CASK: variants seen among roughly 807,000 people sequenced by gnomAD.
CASK encodes calcium/calmodulin dependent serine protein kinase, also known as peripheral plasma membrane protein CASK.
CASK carries 4 observed loss-of-function variants against 82.9 expected under a neutral mutation model. That is an observed-to-expected ratio of 0.05 (90% CI 0.02 to 0.11). The LOEUF (loss-of-function observed/expected upper bound fraction) is 0.11. CASK is among the 10% of genes least tolerant of loss of function. CASK has a pLI of 1.00. For missense variants in CASK, 358 were observed against 720.9 expected, an observed-to-expected ratio of 0.50 and a Z score of 5.76; for synonymous variants, 259 against 253.5, an observed-to-expected ratio of 1.02 and a Z score of -0.20.
In CASK at chrX:41,636,590, C is replaced by T; in HGVS notation, c.903G>A (p.Arg301=). ...TVEQLRKFNA[R]RKLKGAVLAA... ...TTGTTTAATTTACCTTTAGTTTCCTCCTTGCATTGAATTTCCTCAGCTGCT... is the reference window on the plus strand; with the variant it reads ...TTGTTTAATTTACCTTTAGTTTCCTTCTTGCATTGAATTTCCTCAGCTGCT... Residue 301 remains arginine (R), a synonymous_variant, in exon 9 of 27, where the codon AGG becomes AGA. Transcript: ENST00000378163. The T allele has an allele frequency of 1.7e-6, 2 of 1,172,905 alleles. No individual in the cohort carries two copies. Among genetic ancestry groups the T allele is most frequent in the South Asian group, 1.8e-5 (1 of 56,105 alleles).
intron 8 of CASK, among the ~76,000 whole-genome samples, chrX:41,647,808 C>G (rs939378777): frequency 8.9e-6 from 1 of 112,207 alleles, no homozygotes; most frequent in Non-Finnish European, 1.9e-5. Flanking sequence ...ACACTTATCA[C>G]TTCCCCAATC....
At chrX:41,802,052 C>A (rs2070009659) in intron 2 of CASK, among the ~76,000 whole-genome samples, 1 of 111,238 alleles carries the variant, frequency 9.0e-6, no homozygotes, top group South Asian at 3.8e-4. Flanking sequence ...ATGGCCTAGT[C>A]TTTGTCTGAT....
intron 8 of CASK, among the ~76,000 whole-genome samples, chrX:41,638,842 G>C (rs752289809): frequency 1.8e-5 from 2 of 110,967 alleles, no homozygotes; most frequent in East Asian, 5.7e-4. Flanking sequence ...TCTTGAGCTA[G>C]AGTGACATGA....
chrX:41,532,812 T>C (rs1045861682), intron 24 of CASK, among the ~76,000 whole-genome samples: 1 of 110,955 alleles, frequency 9.0e-6, no homozygotes, highest in African/African-American at 3.3e-5. Flanking sequence ...CCGGCGTTAC[T>C]ATTTATTTAT....
At chrX:41,756,997 T>A (rs927113453) in intron 3 of CASK, among the ~76,000 whole-genome samples, 5 of 112,165 alleles carry the variant, frequency 4.5e-5, no homozygotes, top group Non-Finnish European at 9.4e-5. Context: ...AGGCTCCATA[T>A]GTGAAATCCA....
chrX:41,599,922 G>T (rs2065870865), intron 12 of CASK, among the ~76,000 whole-genome samples: 1 of 111,647 alleles, frequency 9.0e-6, no homozygotes, highest in Non-Finnish European at 1.9e-5. Flanking sequence ...TCTGAAATAC[G>T]GTACTTTTTA....
intron 5 of CASK, among the ~76,000 whole-genome samples, chrX:41,726,140 G>T (rs1158587060): frequency 3.6e-5 from 4 of 111,834 alleles, no homozygotes; most frequent in Non-Finnish European, 5.6e-5. Context: ...ATAGAGACAG[G>T]GTCTCGCTAT....
chrX:41,606,289 G>A (rs187619560), intron 12 of CASK, among the ~76,000 whole-genome samples: 8 of 111,140 alleles, frequency 7.2e-5, no homozygotes, highest in African/African-American at 2.0e-4. Flanking sequence ...TTTTTGAGAC[G>A]GAGTCTCGCT....
chrX:41,604,264 C>T (rs185232871), intron 12 of CASK, among the ~76,000 whole-genome samples: 1 of 103,982 alleles, frequency 9.6e-6, no homozygotes, highest in African/African-American at 3.5e-5. Context: ...TTACCCAGAA[C>T]CTCAGAATGT....
intron 10 of CASK, among the ~76,000 whole-genome samples, chrX:41,622,880 ATTTT>A (rs970144546): frequency 1.0e-5 from 1 of 96,882 alleles, no homozygotes. Context: ...TTCAACATTG[ATTTT>A]TTTTTTTTTT....
intron 2 of CASK, among the ~76,000 whole-genome samples, chrX:41,812,847 G>A (rs1357846518): frequency 1.8e-5 from 2 of 111,425 alleles, no homozygotes; most frequent in African/African-American, 6.5e-5. Flanking sequence ...AAACCCCACT[G>A]TCTCAGCCCA....
chrX:41,553,877 C>G lies in CASK; in HGVS notation c.1881G>C (p.Lys627Asn). 8.3e-7 allele frequency: 1 copy of G among 1,207,739 alleles called. No homozygotes were observed. Among genetic ancestry groups the G allele is most frequent in the Non-Finnish European group, 1.1e-6 (1 of 892,134 alleles). ...CTTCTTTACAGGGGATGAGGTCATC[C>G]TTGGCTGGATCATATTCAAATTGTG... Reference protein sequence around the residue: ...VRAQFEYDPAKDDLIPCKEAG... With the variant: ...VRAQFEYDPANDDLIPCKEAG... The change falls in exon 21 of 27, where the codon AAG becomes AAC. Residue 627 changes from lysine to asparagine, a missense_variant. Around this residue, in one of 5 missense-constraint regions of CASK, gnomAD observed 19 missense variants for 64.8 expected, o/e 0.29. Transcript: ENST00000378163.
At chrX:41,565,018 G>C (rs2065290051) in intron 16 of CASK, among the ~76,000 whole-genome samples, 1 of 111,983 alleles carries the variant, frequency 8.9e-6, no homozygotes, top group Admixed American at 9.5e-5. Context: ...CTGAAATAAA[G>C]ATGTTCTTTG....
chrX:41,708,790 A>G (rs1245934819), intron 5 of CASK, among the ~76,000 whole-genome samples: 1 of 111,928 alleles, frequency 8.9e-6, no homozygotes, highest in African/African-American at 3.2e-5. Context: ...CCAAGGCACT[A>G]TTAAAAAAGT....
intron 1 of CASK, among the ~76,000 whole-genome samples, chrX:41,889,308 T>C (rs2072119663): frequency 9.9e-6 from 1 of 101,377 alleles, no homozygotes; most frequent in Non-Finnish European, 2.1e-5. Flanking sequence ...CATGCCAACA[T>C]CTTTTTTTTT....
chrX:41,813,443 C>T (rs1479577591), intron 2 of CASK, among the ~76,000 whole-genome samples: 1 of 110,934 alleles, frequency 9.0e-6, no homozygotes, highest in Admixed American at 9.6e-5. Context: ...TACCACACAT[C>T]TACAACCATC....
At chrX:41,909,788 G>T (rs1195596970) in intron 1 of CASK, among the ~76,000 whole-genome samples, 1 of 111,550 alleles carries the variant, frequency 9.0e-6, no homozygotes, top group East Asian at 2.9e-4. Context: ...GACATTTTTA[G>T]TAGAGACGAG....
At chrX:41,807,167 C>A in intron 2 of CASK, among the ~76,000 whole-genome samples, 1 of 110,662 alleles carries the variant, frequency 9.0e-6, no homozygotes, top group African/African-American at 3.3e-5. Context: ...ATAAACCTAG[C>A]CACCACTTTT....
intron 5 of CASK, chrX:41,727,576 G>C: frequency 8.3e-7 from 1 of 1,204,208 alleles, no homozygotes; most frequent in Non-Finnish European, 1.1e-6. Context: ...AGAAGGAGAA[G>C]AGAGCCTATG....
Sources: allele counts gnomAD v4.1 joint callset (sites outside exome capture counted in the v4.1 genomes callset), GRCh38; gene constraint gnomAD v4.1.1; regional missense constraint gnomAD v4.1.1; transcripts MANE v1.5; gene names NCBI Gene and HGNC (gene_info 2026-07-23, HGNC 2026-07-21).